SLC43A1: variants seen among roughly 807,000 people sequenced by gnomAD.
The protein encoded by SLC43A1 is large neutral amino acids transporter small subunit 3.
In SLC43A1, 31 loss-of-function variants were observed where a neutral mutation model predicts 59.5. That is an observed-to-expected ratio of 0.52 (90% confidence interval 0.39 to 0.70). SLC43A1 has a LOEUF of 0.70. Ranked by LOEUF, SLC43A1 falls within the 30% of genes least tolerant of loss-of-function variation. The pLI, the probability that SLC43A1 is intolerant of heterozygous loss-of-function variation, is 0.00. For synonymous variants in SLC43A1, 259 were observed against 290.9 expected, an observed-to-expected ratio of 0.89 and a Z score of 1.12; for missense variants, 598 against 717.8, an observed-to-expected ratio of 0.83 and a Z score of 1.91.
In SLC43A1 at chr11:57,514,131, A is replaced by T. The variant is rs757377032; in HGVS notation, c.-13-7T>A. On this transcript the variant is annotated splice_region_variant and splice_polypyrimidine_tract_variant and intron_variant, in intron 1 of 14. Transcript: ENST00000278426. The surrounding 1 kb of genome is among the most constrained non-coding windows in gnomAD (Gnocchi z 5.5). ...GGCCATGCTGGCCCCGAGCCTGCAC[A>T]GAAACAGAGCGCTGGGTGAAGGGCC... 7.0e-6 allele frequency: 11 copies of T among 1,574,242 alleles called. No individual in the cohort carries two copies. The African/African-American group carries it at 1.4e-4, about 19-fold the overall frequency.
At chr11:57,486,194 G>C (rs188188403) in intron 14 of SLC43A1, among the ~76,000 whole-genome samples, 1 of 152,280 alleles carries the variant, frequency 6.6e-6, no homozygotes, top group East Asian at 1.9e-4. Flanking sequence ...ACTAAAAACA[G>C]ACTCCTAGGA....
At chr11:57,487,007 T>A (rs982586812) in intron 14 of SLC43A1, 88 bp downstream of exon 14, 3 of 1,433,700 alleles carry the variant, frequency 2.1e-6, no homozygotes, top group Non-Finnish European at 2.9e-6. Flanking sequence ...CTGGCTGAGA[T>A]GAGTGAGGGA....
Position 57,500,831 on chromosome 11 carries a change from G to A in SLC43A1, c.413C>T (p.Ala138Val), listed in dbSNP as rs140786583. The A allele has an allele frequency of 2.6e-5, 42 of 1,614,080 alleles. No homozygotes were observed. Among genetic ancestry groups the A allele is most frequent in the South Asian group, 3.3e-5 (3 of 91,092 alleles). ...VEALSPLIFL[A>V]LSLNGFGGIC... ...GCCACCAAAGCCATTCAGGGACAGC[G>A]CCAGGAATATCAACGGAGACAGAGC... Residue 138 changes from alanine to valine, a missense_variant, in exon 5 of 15, where the codon GCG becomes GTG. Ala to Val is a moderately conservative substitution (Grantham distance 64). Coordinates refer to ENST00000278426, the MANE Select transcript of SLC43A1 (RefSeq NM_003627.6).
chr11:57,491,554 G>A (rs774775061), intron 10 of SLC43A1, 37 bp downstream of exon 10: 1 of 1,613,306 alleles, frequency 6.2e-7, no homozygotes, highest in South Asian at 1.1e-5. Context: ...TTGCAGTGGG[G>A]TGGGCGTGAG....
intron 7 of SLC43A1, 30 bp downstream of exon 7, chr11:57,496,001 G>C: frequency 1.2e-6 from 2 of 1,611,848 alleles, no homozygotes; most frequent in Admixed American, 1.7e-5. Flanking sequence ...TCTGCCCCAG[G>C]GAGAGTCTCT....
At chr11:57,509,206 TACA>T (rs1309156212) in intron 2 of SLC43A1, among the ~76,000 whole-genome samples, 5 of 152,104 alleles carry the variant, frequency 3.3e-5, no homozygotes, top group African/African-American at 7.2e-5. Flanking sequence ...CTGGGCAATT[TACA>T]ACACCAGGTG....
rs1202124108 is a variant in SLC43A1 at position 57,496,385 on chromosome 11, T to C, written c.559-221A>G. On this transcript the variant is annotated intron_variant, in intron 6 of 14. Coordinates refer to ENST00000278426, the MANE Select transcript of SLC43A1 (RefSeq NM_003627.6). Reference sequence around the variant, plus strand: ...TGAGGCCCCCTAGAGAGCTATGAAATAGTCTCCACAAAGCCTGAAGTTGCT... The same window carrying C: ...TGAGGCCCCCTAGAGAGCTATGAAACAGTCTCCACAAAGCCTGAAGTTGCT... 2.6e-5 allele frequency among the ~76,000 whole-genome samples: 4 copies of C among 152,306 alleles called. No homozygotes were observed. In the East Asian group the frequency reaches 5.8e-4, roughly 22 times the overall value.
Position 57,501,399 on chromosome 11 carries a change from C to T in SLC43A1, c.155-70G>A, listed in dbSNP as rs75038636. ...GCTGGGCACAGGAGACAGCAGCCCA[C>T]AGTCAGGCGGCCTGCTTTCAAATCC... On this transcript the variant is annotated intron_variant, in intron 2 of 14. Transcript: ENST00000278426. The T allele has an allele frequency of 1.9e-3, 2,866 of 1,535,810 alleles. 44 individuals are homozygous for T. In the African/African-American group the frequency reaches 0.032, roughly 17 times the overall value.
intron 2 of SLC43A1, among the ~76,000 whole-genome samples, chr11:57,503,863 T>A (rs913082953): frequency 1.3e-5 from 2 of 152,136 alleles, no homozygotes; most frequent in African/African-American, 4.8e-5. Context: ...TCAGGAGTTA[T>A]CACATAAAAA....
At chr11:57,486,447 G>A (rs1164708928) in intron 14 of SLC43A1, among the ~76,000 whole-genome samples, 1 of 150,922 alleles carries the variant, frequency 6.6e-6, no homozygotes, top group African/African-American at 2.4e-5. Context: ...AGTGAGCTGT[G>A]ATTTTACCAC....
In SLC43A1 at chr11:57,490,821, T is replaced by G. The variant is rs1227517199; in HGVS notation, c.1193+403A>C. Among the ~76,000 whole-genome samples, 3 of 152,382 alleles carry G rather than the reference T, an allele frequency of 2.0e-5. No individual in the cohort carries two copies. In the South Asian group the frequency reaches 6.2e-4, roughly 32 times the overall value. On this transcript the variant is annotated intron_variant, in intron 11 of 14. Transcript: ENST00000278426. The stretch of plus-strand genomic sequence containing the variant: ...TCTAATATACCAACTCTACCTATTC[T>G]AGCCCTAACAAGACTTTAGCGTGTA...
chr11:57,496,191 G>T, intron 6 of SLC43A1, 27 bp from the exon 7 acceptor site: 1 of 1,612,400 alleles, frequency 6.2e-7, no homozygotes, highest in South Asian at 1.1e-5. Flanking sequence ...CAGGCCCGTG[G>T]GGGAGACTGC....
At chr11:57,503,478 C>A (rs1944318870) in intron 2 of SLC43A1, among the ~76,000 whole-genome samples, 1 of 151,874 alleles carries the variant, frequency 6.6e-6, no homozygotes, top group Admixed American at 6.6e-5. Context: ...TGCATGCCAC[C>A]ACACCTGGCT....
At chr11:57,488,802 A>G in intron 13 of SLC43A1, 114 bp downstream of exon 13, 1 of 851,058 alleles carries the variant, frequency 1.2e-6, no homozygotes, top group Non-Finnish European at 2.0e-6. Context: ...CTGCCATCAG[A>G]GGGTCTCAGA....
At position 57,491,861 on chromosome 11, in the gene SLC43A1, C is replaced by A. The variant is rs954058240; in HGVS notation, c.873G>T (p.Arg291Ser). ...AGAGGCTCTTGCGTAAGGGGACAGA[C>A]CCTGGGGAGACAGCAGGGGGCGCCC... The part of the protein sequence containing the change: ...VRGTSENLPE[R>S]SVPLRKSLCS... The change falls in exon 9 of 15, where the codon AGG becomes AGT. Residue 291 changes from arginine (R) to serine (S), a missense_variant and splice_region_variant. Arg to Ser is a moderately radical substitution (Grantham distance 110). Coordinates refer to ENST00000278426, the MANE Select transcript of SLC43A1 (RefSeq NM_003627.6). 6.2e-7 allele frequency: 1 copy of A among 1,613,806 alleles called. No homozygotes were observed. The highest frequency in any genetic ancestry group is 8.5e-7 in the Non-Finnish European group (1 of 1,179,952).
In SLC43A1 at chr11:57,515,033, T is replaced by A. The variant is rs149136168; in HGVS notation, c.-14+411A>T. On this transcript the variant is annotated intron_variant, in intron 1 of 14. Transcript: ENST00000278426. The surrounding 1 kb of genome is among the most constrained non-coding windows in gnomAD (Gnocchi z 5.3). ...CGGCGCGGGGGCGGGGAGCGACAAC[T>A]GGGATGAGACCGAGGAAAGCGGAGA... The A allele has an allele frequency of 2.1e-3, 2,020 of 984,022 alleles. 39 individuals are homozygous for A. In the African/African-American group the frequency reaches 0.032, roughly 16 times the overall value. 61.0% of individuals were successfully genotyped at this position (984,022 alleles called of 1,614,324 possible).
At chr11:57,499,357 A>G (rs936632040) in intron 5 of SLC43A1, among the ~76,000 whole-genome samples, 1 of 151,524 alleles carries the variant, frequency 6.6e-6, no homozygotes, top group Non-Finnish European at 1.5e-5. Flanking sequence ...TTAAACACAT[A>G]TAACTAAATT....
intron 2 of SLC43A1, among the ~76,000 whole-genome samples, chr11:57,507,159 C>G (rs555611367): frequency 6.6e-6 from 1 of 152,234 alleles, no homozygotes; most frequent in South Asian, 2.1e-4. Flanking sequence ...GAGAACCTGT[C>G]TCTACAAAAA....
Position 57,497,773 on chromosome 11 carries a change from T to C in SLC43A1, c.538A>G (p.Ile180Val). ...LMIGSYASSAITFPGIKLIYD... is the reference protein window; with the variant it reads ...LMIGSYASSAVTFPGIKLIYD... ...CATACCTTGATTCCTGGGAACGTAA[T>C]GGCAGAAGAGGCGTAAGAGCCAATC... is the stretch of plus-strand genomic sequence containing the variant. The change falls in exon 6 of 15, where the codon ATT becomes GTT. Residue 180 changes from isoleucine (I) to valine (V), a missense_variant. Ile to Val is a conservative substitution (Grantham distance 29). Coordinates refer to ENST00000278426, the MANE Select transcript of SLC43A1 (RefSeq NM_003627.6). The C allele has an allele frequency of 1.2e-6, 2 of 1,613,568 alleles. No individual in the cohort carries two copies. The highest frequency in any genetic ancestry group is 1.7e-6 in the Non-Finnish European group (2 of 1,179,726).
Sources: gnomAD v4.1 joint callset for allele counts (sites outside exome capture counted in the v4.1 genomes callset) on GRCh38, gnomAD v4.1.1 for gene constraint, Gnocchi (gnomAD v3.1) non-coding constraint, MANE v1.5 for transcripts, NCBI Gene and HGNC (gene_info 2026-07-23, HGNC 2026-07-21) for gene names.